SFI1: variants seen among roughly 807,000 people sequenced by gnomAD.
SFI1 encodes the protein protein SFI1 homolog.
Under a neutral mutation model 207.5 loss-of-function variants are expected in SFI1, and 195 were observed. The ratio of observed to expected loss-of-function variants is 0.94; its 90% CI spans 0.84 to 1.06. SFI1 has a LOEUF of 1.06. SFI1 is among the 50% of genes least tolerant of loss of function. The pLI is 0.00. For missense variants in SFI1, 1,634 were observed against 1,588.0 expected (o/e 1.03, Z -0.49); for synonymous variants, 630 against 598.9 (o/e 1.05, Z -0.76).
intron 7 of SFI1, among the ~76,000 whole-genome samples, chr22:31,560,400 CTT>C (rs398061887): frequency 1.8e-4 from 22 of 125,524 alleles, no homozygotes; most frequent in African/African-American, 1.5e-4. Flanking sequence ...TGGTAATACT[CTT>C]TTTTTTTTTT....
intron 27 of SFI1, chr22:31,614,215 C>A: frequency 2.9e-6 from 1 of 343,656 alleles, no homozygotes; most frequent in Non-Finnish European, 5.5e-6. Context: ...GCCTGCCGGC[C>A]TCTCTTCTGC....
chr22:31,502,840 G>A (rs1369667294), intron 1 of SFI1, among the ~76,000 whole-genome samples: 3 of 151,988 alleles, frequency 2.0e-5, no homozygotes, highest in East Asian at 3.9e-4. Context: ...ATGGCCGAGC[G>A]TGGTGGGTCC....
At chr22:31,580,763 G>A (rs189372879) in intron 12 of SFI1, among the ~76,000 whole-genome samples, 524 of 151,834 alleles carry the variant, frequency 3.5e-3, no homozygotes, top group Non-Finnish European at 5.7e-3. Context: ...GGCTTGTCTC[G>A]AACTCCTGAC....
At chr22:31,588,305 G>C (rs890796178) in intron 14 of SFI1, among the ~76,000 whole-genome samples, 2 of 152,168 alleles carry the variant, frequency 1.3e-5, no homozygotes, top group African/African-American at 4.8e-5. Context: ...TGGTGGCCTT[G>C]GGGTAGTCAG....
chr22:31,580,013 T>G (rs2063923906), intron 11 of SFI1: 2 of 319,280 alleles, frequency 6.3e-6, no homozygotes, highest in South Asian at 6.0e-5. Context: ...GTGGGTGTGT[T>G]TGTTCTTGTG....
intron 15 of SFI1, among the ~76,000 whole-genome samples, chr22:31,593,507 C>T (rs1296669996): frequency 4.5e-5 from 6 of 134,582 alleles, no homozygotes; most frequent in Non-Finnish European, 6.4e-5. Flanking sequence ...TCCTCACTTT[C>T]CAGACTGGGC....
chr22:31,523,270 T>C (rs2057494868), intron 2 of SFI1, among the ~76,000 whole-genome samples: 1 of 152,210 alleles, frequency 6.6e-6, no homozygotes, highest in Non-Finnish European at 1.5e-5. Context: ...TGTAATTTCC[T>C]GTACAGATTG....
In SFI1 at chr22:31,531,054, T is replaced by G; in HGVS notation, c.267-4T>G. 1 of 1,609,500 alleles carries G rather than the reference T, an allele frequency of 6.2e-7. No homozygotes were observed. Among genetic ancestry groups the G allele is most frequent in the East Asian group, 2.2e-5 (1 of 44,858 alleles). ...TATGTATATGCTTTTTTTCCTTCTTTCAGATGCGTGGCCAGAAAGTTCTTA... is the reference window on the plus strand; with the variant it reads ...TATGTATATGCTTTTTTTCCTTCTTGCAGATGCGTGGCCAGAAAGTTCTTA... On this transcript the variant is annotated splice_polypyrimidine_tract_variant and splice_region_variant and intron_variant, in intron 3 of 32. Coordinates refer to ENST00000400288, the MANE Select transcript of SFI1 (RefSeq NM_001007467.3).
At chr22:31,528,888 C>T (rs1201110807) in intron 3 of SFI1, 25 bp downstream of exon 3, 4 of 1,582,722 alleles carry the variant, frequency 2.5e-6, no homozygotes, top group South Asian at 2.3e-5. Context: ...GGCCACCAGT[C>T]TATGGGTACT....
intron 27 of SFI1, 40 bp downstream of exon 27, chr22:31,613,895 G>A (rs773170844): frequency 1.3e-6 from 2 of 1,544,280 alleles, no homozygotes; most frequent in South Asian, 1.2e-5. Context: ...CTTCCACCCT[G>A]GGCAAAAGGT....
chr22:31,514,899 G>A (rs1418048618), intron 2 of SFI1, among the ~76,000 whole-genome samples: 3 of 151,850 alleles, frequency 2.0e-5, no homozygotes, highest in Non-Finnish European at 4.4e-5. Context: ...AGCCTCTTGA[G>A]TAGTTGGGAC....
intron 8 of SFI1, among the ~76,000 whole-genome samples, chr22:31,564,736 C>A (rs1291113416): frequency 6.6e-6 from 1 of 151,434 alleles, no homozygotes; most frequent in African/African-American, 2.4e-5. Context: ...TCTGAAACTC[C>A]TGAGCTCAAG....
At chr22:31,540,802 G>A (rs1315947212) in intron 4 of SFI1, among the ~76,000 whole-genome samples, 2 of 150,122 alleles carry the variant, frequency 1.3e-5, no homozygotes, top group East Asian at 2.0e-4. Flanking sequence ...GGCCGGTCTC[G>A]GACTGCCCTC....
chr22:31,579,132 A>G (rs2063816112), intron 11 of SFI1, among the ~76,000 whole-genome samples: 1 of 151,380 alleles, frequency 6.6e-6, no homozygotes, highest in Non-Finnish European at 1.5e-5. Context: ...GTGTTGAGGC[A>G]TTAGTATTAT....
At chr22:31,593,997 G>GCA in intron 15 of SFI1, among the ~76,000 whole-genome samples, 1 of 84,268 alleles carries the variant, frequency 1.2e-5, no homozygotes, top group African/African-American at 4.0e-5. Context: ...CGAGGGAGAG[G>GCA]GAGAGGGACA....
chr22:31,541,019 C>T (rs566829672), intron 4 of SFI1, among the ~76,000 whole-genome samples: 16 of 152,128 alleles, frequency 1.1e-4, no homozygotes, highest in Non-Finnish European at 2.9e-5. Context: ...CTCGCCTCTC[C>T]GGAGATATAC....
In SFI1 at chr22:31,613,863, G is replaced by C; in HGVS notation, c.2996+8G>C. 1 of 1,590,420 alleles carries C rather than the reference G, an allele frequency of 6.3e-7. No homozygotes were observed. Among genetic ancestry groups the C allele is most frequent in the Non-Finnish European group, 8.6e-7 (1 of 1,168,212 alleles). On this transcript the variant is annotated splice_region_variant and intron_variant, in intron 27 of 32. Transcript: ENST00000400288. ...GCCCCACGCCCTGGAGCTGTGAGTAGCCTGTGCTCACCTTGTCCTCGCTTC... is the reference window on the plus strand; with the variant it reads ...GCCCCACGCCCTGGAGCTGTGAGTACCCTGTGCTCACCTTGTCCTCGCTTC...
At chr22:31,607,108 C>G (rs2069162688) in intron 21 of SFI1, among the ~76,000 whole-genome samples, 1 of 152,094 alleles carries the variant, frequency 6.6e-6, no homozygotes, top group Non-Finnish European at 1.5e-5. Context: ...GCCTGTGCCT[C>G]CCTTCCCCTG....
intron 20 of SFI1, 61 bp downstream of exon 20, chr22:31,605,006 C>T: frequency 2.1e-6 from 3 of 1,462,248 alleles, no homozygotes. Flanking sequence ...CTCCAAACCC[C>T]AGCCTTTTAG....
Sources: gnomAD v4.1 joint callset for allele counts (sites outside exome capture counted in the v4.1 genomes callset) on GRCh38, gnomAD v4.1.1 for gene constraint, MANE v1.5 for transcripts, NCBI Gene and HGNC (gene_info 2026-07-23, HGNC 2026-07-21) for gene names.